Variants in RERE observed in about 807,000 individuals in gnomAD.
RERE encodes the protein arginine-glutamic acid dipeptide repeats protein.
A neutral mutation model predicts 146.1 loss-of-function variants in RERE; 40 were observed. That is an observed-to-expected ratio of 0.27 (90% CI 0.21 to 0.36). The LOEUF (loss-of-function observed/expected upper bound fraction) is 0.36. Ranked by LOEUF, RERE falls within the 10% of genes least tolerant of loss-of-function variation. RERE has a pLI of 1.00. For synonymous variants in RERE, 1,003 were observed against 866.0 expected, an observed-to-expected ratio of 1.16 and a Z score of -2.78; for missense variants, 1,933 against 2,138.7, an observed-to-expected ratio of 0.90 and a Z score of 1.90.
At position 8,458,299 on chromosome 1, in the gene RERE, A is replaced by AT. The variant is rs955243416; in HGVS notation, c.1203+7625dup. Among the ~76,000 whole-genome samples, 267 of 152,164 alleles carry AT rather than the reference A, an allele frequency of 1.8e-3. 2 individuals carry two copies. Among genetic ancestry groups the AT allele is most frequent in the Middle Eastern group, 3.4e-3 (1 of 294 alleles). ...GTGGCTGAAAGTGTATGCTATCTCCATTTTTTTACATGCCCTTGAAAATGA... is the reference window on the plus strand; with the variant it reads ...GTGGCTGAAAGTGTATGCTATCTCCATTTTTTTTACATGCCCTTGAAAATGA... On this transcript the variant is annotated intron_variant, in intron 11 of 22. Transcript: ENST00000400908.
intron 4 of RERE, among the ~76,000 whole-genome samples, chr1:8,583,197 T>C (rs1646388804): frequency 6.6e-6 from 1 of 152,220 alleles, no homozygotes. Flanking sequence ...ATGGTAGCAT[T>C]GGCAGCATAG....
intron 7 of RERE, among the ~76,000 whole-genome samples, chr1:8,534,109 TG>T (rs1166228057): frequency 6.6e-6 from 1 of 152,156 alleles, no homozygotes; most frequent in Non-Finnish European, 1.5e-5. Context: ...CCACGAGCTG[TG>T]GTGAGTGGAA....
intron 7 of RERE, among the ~76,000 whole-genome samples, chr1:8,515,301 G>A (rs1645399129): frequency 6.6e-6 from 1 of 151,920 alleles, no homozygotes; most frequent in African/African-American, 2.4e-5. Context: ...GTTTGAGGCT[G>A]CAGTGAGCTA....
At chr1:8,789,876 C>T (rs1301333745) in intron 1 of RERE, among the ~76,000 whole-genome samples, 2 of 152,174 alleles carry the variant, frequency 1.3e-5, no homozygotes, top group Non-Finnish European at 2.9e-5. Flanking sequence ...GATCTTTGGT[C>T]AACTTATTTA....
At chr1:8,766,070 A>C (rs1277828600) in intron 1 of RERE, among the ~76,000 whole-genome samples, 1 of 152,186 alleles carries the variant, frequency 6.6e-6, no homozygotes, top group East Asian at 1.9e-4. Context: ...CTGAGATTGC[A>C]ACACTGCACT....
At chr1:8,473,963 T>C (rs982662947) in intron 10 of RERE, among the ~76,000 whole-genome samples, 4 of 152,192 alleles carry the variant, frequency 2.6e-5, no homozygotes, top group Admixed American at 6.5e-5. Context: ...ACATCTGCAA[T>C]TGTCTTACTA....
intron 1 of RERE, among the ~76,000 whole-genome samples, chr1:8,731,460 G>A (rs1256266920): frequency 6.6e-6 from 1 of 152,088 alleles, no homozygotes; most frequent in Non-Finnish European, 1.5e-5. Flanking sequence ...GGTGAGGGGA[G>A]GAAAGCTAAT....
intron 6 of RERE, among the ~76,000 whole-genome samples, chr1:8,548,855 G>A (rs1645899016): frequency 6.6e-6 from 1 of 151,946 alleles, no homozygotes; most frequent in African/African-American, 2.4e-5. Context: ...TGTGGGGGTG[G>A]GTGCCTGTAA....
chr1:8,517,080 A>C (rs1350463568), intron 7 of RERE, among the ~76,000 whole-genome samples: 2 of 152,192 alleles, frequency 1.3e-5, no homozygotes, highest in Non-Finnish European at 2.9e-5. Flanking sequence ...ACACGCACAC[A>C]ATCTACTAAT....
intron 4 of RERE, among the ~76,000 whole-genome samples, chr1:8,609,902 G>C (rs966598469): frequency 6.6e-6 from 1 of 152,070 alleles, no homozygotes; most frequent in African/African-American, 2.4e-5. Context: ...CTGAGTAGCT[G>C]CAACTGCAGA....
intron 7 of RERE, among the ~76,000 whole-genome samples, chr1:8,533,205 G>C (rs1645680473): frequency 6.6e-6 from 1 of 152,338 alleles, no homozygotes; most frequent in Non-Finnish European, 1.5e-5. Flanking sequence ...CAAGAGAACA[G>C]TGGCAGACAA....
intron 12 of RERE, among the ~76,000 whole-genome samples, chr1:8,405,389 T>C (rs909373081): frequency 2.6e-5 from 4 of 152,026 alleles, no homozygotes; most frequent in African/African-American, 9.7e-5. Flanking sequence ...AAACTAGAAG[T>C]TGGTTAATAA....
At chr1:8,543,385 CACTTATAAAG>C (rs1246500583) in intron 6 of RERE, among the ~76,000 whole-genome samples, 3 of 152,156 alleles carry the variant, frequency 2.0e-5, no homozygotes, top group African/African-American at 4.8e-5. Flanking sequence ...ACACCTACTG[CACTTATAAAG>C]ACAAAGCCTA....
chr1:8,552,851 CGT>C (rs33928087), intron 6 of RERE, among the ~76,000 whole-genome samples: 4,258 of 152,270 alleles, frequency 0.028, 172 homozygotes, highest in African/African-American at 0.097. Context: ...TCCACACACA[CGT>C]GTGACCCTGC....
chr1:8,724,983 AT>A (rs1312489309), intron 1 of RERE, among the ~76,000 whole-genome samples: 2 of 152,062 alleles, frequency 1.3e-5, no homozygotes, highest in Non-Finnish European at 2.9e-5. Flanking sequence ...TTCTGTATAA[AT>A]TAAAAACACA....
chr1:8,648,073 G>C (rs1477413406), intron 2 of RERE, among the ~76,000 whole-genome samples: 3 of 152,270 alleles, frequency 2.0e-5, no homozygotes, highest in Admixed American at 6.5e-5. Context: ...GCCAGAACCT[G>C]GGGGTCCCCT....
At chr1:8,525,672 A>G in intron 7 of RERE, 1 of 1,370,484 alleles carries the variant, frequency 7.3e-7, no homozygotes, top group Non-Finnish European at 9.8e-7. Flanking sequence ...ACTATGAATG[A>G]TGAAATGATT....
intron 12 of RERE, among the ~76,000 whole-genome samples, chr1:8,416,451 T>C (rs574394003): frequency 1.3e-3 from 194 of 151,932 alleles, no homozygotes; most frequent in Non-Finnish European, 1.9e-3. Flanking sequence ...CCAGGCGTGG[T>C]GGCGGGCGCC....
chr1:8,566,943 C>A (rs990606943), intron 4 of RERE, among the ~76,000 whole-genome samples: 2 of 151,926 alleles, frequency 1.3e-5, no homozygotes, highest in Admixed American at 6.6e-5. Flanking sequence ...GCATGTGCCA[C>A]CACACCCAGC....
Sources: allele counts gnomAD v4.1 joint callset (sites outside exome capture counted in the v4.1 genomes callset), GRCh38; gene constraint gnomAD v4.1.1; transcripts MANE v1.5; gene names NCBI Gene and HGNC (gene_info 2026-07-23, HGNC 2026-07-21).